CLOCK: variants seen among roughly 807,000 people sequenced by gnomAD.
The protein encoded by CLOCK is circadian locomoter output cycles protein kaput.
A neutral mutation model predicts 118.4 loss-of-function variants in CLOCK; 43 were observed. That is an observed-to-expected ratio of 0.36 (90% CI 0.28 to 0.47). The LOEUF is 0.47. CLOCK is among the 20% of genes least tolerant of loss of function. The probability of loss-of-function intolerance (pLI) is 1.00; values close to 1 mark genes in which losing one functional copy is unlikely to be tolerated. For missense variants in CLOCK, 846 were observed against 999.9 expected (o/e 0.85, Z 2.08); for synonymous variants, 326 against 339.2 (o/e 0.96, Z 0.43).
intron 3 of CLOCK, among the ~76,000 whole-genome samples, chr4:55,483,153 T>C (rs148158047): frequency 1.3e-5 from 2 of 152,340 alleles, no homozygotes; most frequent in African/African-American, 4.8e-5. Flanking sequence ...TAACACCATC[T>C]ATTCAGCAAT....
At chr4:55,461,121 T>C (rs1725313690) in intron 9 of CLOCK, among the ~76,000 whole-genome samples, 1 of 152,094 alleles carries the variant, frequency 6.6e-6, no homozygotes, top group Non-Finnish European at 1.5e-5. Context: ...ATAGACGGTG[T>C]TTCACCATGT....
intron 21 of CLOCK, among the ~76,000 whole-genome samples, chr4:55,439,436 C>T (rs1283659893): frequency 6.6e-6 from 1 of 152,098 alleles, no homozygotes; most frequent in African/African-American, 2.4e-5. Flanking sequence ...ATGGTGCAGC[C>T]ACTATGGAAA....
chr4:55,456,393 T>TG, intron 11 of CLOCK, 93 bp from the exon 12 acceptor site: 1 of 831,906 alleles, frequency 1.2e-6, no homozygotes, highest in Admixed American at 2.1e-5. Flanking sequence ...CCAGGTGCAG[T>TG]GGCTCACACC....
chr4:55,514,597 T>C (rs934981448), intron 1 of CLOCK, among the ~76,000 whole-genome samples: 3 of 150,574 alleles, frequency 2.0e-5, no homozygotes, highest in Non-Finnish European at 3.0e-5. Context: ...AGTTACAGAG[T>C]TTTTTTTTAA....
chr4:55,474,134 T>C (rs190248050), intron 7 of CLOCK, among the ~76,000 whole-genome samples: 19 of 152,234 alleles, frequency 1.2e-4, no homozygotes, highest in Non-Finnish European at 1.5e-4. Context: ...AGTAGCAAAG[T>C]TGTGAATGAA....
At chr4:55,482,926 A>T in intron 3 of CLOCK, 98 bp from the exon 4 acceptor site, 1 of 556,726 alleles carries the variant, frequency 1.8e-6, no homozygotes, top group Non-Finnish European at 3.1e-6. Flanking sequence ...CAGAGACTTC[A>T]AAACGTTTTG....
intron 2 of CLOCK, among the ~76,000 whole-genome samples, chr4:55,505,163 A>AAG (rs2110005941): frequency 6.7e-6 from 1 of 150,138 alleles, no homozygotes; most frequent in South Asian, 2.1e-4. Context: ...CCCCCCACCA[A>AAG]AAAAAAAAAA....
chr4:55,462,829 T>C (rs1338711242), intron 9 of CLOCK, among the ~76,000 whole-genome samples: 1 of 139,480 alleles, frequency 7.2e-6, no homozygotes, highest in Non-Finnish European at 1.6e-5. Context: ...ACCAAAGTTA[T>C]AGATACACAC....
At chr4:55,479,324 T>C (rs1425267944) in intron 5 of CLOCK, among the ~76,000 whole-genome samples, 1 of 152,134 alleles carries the variant, frequency 6.6e-6, no homozygotes, top group African/African-American at 2.4e-5. Flanking sequence ...TGTGAAGCAG[T>C]AACCAGTAAA....
chr4:55,450,366 A>G (rs1443163720), intron 15 of CLOCK, 134 bp from the exon 16 acceptor site: 1 of 915,896 alleles, frequency 1.1e-6, no homozygotes, highest in Non-Finnish European at 1.7e-6. Context: ...GTACATACAC[A>G]TGTAAAGAAA....
rs555640735 is a variant in CLOCK, at chr4:55,432,711, C to T, written c.*2704G>A. 3.3e-5 allele frequency: 5 copies of T among 152,030 alleles called. No individual in the cohort carries two copies. Among genetic ancestry groups the T allele is most frequent in the Non-Finnish European group, 7.4e-5 (5 of 67,998 alleles). 9.4% of individuals were successfully genotyped at this position (152,030 alleles called of 1,614,324 possible). ...GCAAAGAGGCAGCTGGTGCTTACTACCTCTTCCACTACTACGCTTCAGACT... is the reference window on the plus strand; with the variant it reads ...GCAAAGAGGCAGCTGGTGCTTACTATCTCTTCCACTACTACGCTTCAGACT... On this transcript the variant is annotated 3_prime_UTR_variant, in exon 23 of 23. Coordinates refer to ENST00000513440, the MANE Select transcript of CLOCK (RefSeq NM_004898.4).
chr4:55,505,967 C>A (rs867095811), intron 2 of CLOCK, among the ~76,000 whole-genome samples: 1 of 151,864 alleles, frequency 6.6e-6, no homozygotes, highest in Non-Finnish European at 1.5e-5. Context: ...AACTATACCT[C>A]CTAACAACAA....
At chr4:55,470,836 G>A (rs1181747308) in intron 7 of CLOCK, 30 bp from the exon 8 acceptor site, 1 of 1,478,544 alleles carries the variant, frequency 6.8e-7, no homozygotes, top group Non-Finnish European at 9.4e-7. Flanking sequence ...TATGTTAAAT[G>A]AAAAGAAAAA....
chr4:55,543,514 G>T (rs74435977), intron 1 of CLOCK, among the ~76,000 whole-genome samples: 3,398 of 152,226 alleles, frequency 0.022, 113 homozygotes, highest in African/African-American at 0.077. Flanking sequence ...TTCAGTCAAG[G>T]GTATACGAGT....
At position 55,431,918 on chromosome 4, in the gene CLOCK, G is replaced by A. The variant is rs1180357701; in HGVS notation, c.*3497C>T. The A allele has an allele frequency of 3.3e-5, 5 of 152,190 alleles. No homozygotes were observed. Among genetic ancestry groups the A allele is most frequent in the African/African-American group, 1.2e-4 (5 of 41,450 alleles). The allele number at this position is 152,190 out of a possible 1,614,324, so 9.4% of individuals were successfully genotyped here. ...TTCTCCCTTCAACAGTGCTCTTGAT[G>A]GAGCTGGACTGCTTCAGTGCTCCTA... On this transcript the variant is annotated 3_prime_UTR_variant, in exon 23 of 23. Coordinates refer to ENST00000513440, the MANE Select transcript of CLOCK (RefSeq NM_004898.4).
intron 18 of CLOCK, among the ~76,000 whole-genome samples, chr4:55,447,138 G>A (rs902457079): frequency 4.6e-5 from 7 of 151,786 alleles, no homozygotes; most frequent in Admixed American, 3.9e-4. Context: ...AGGCCGAGGT[G>A]GGCAGAATGC....
At chr4:55,532,424 C>T (rs1730610086) in intron 1 of CLOCK, among the ~76,000 whole-genome samples, 1 of 151,770 alleles carries the variant, frequency 6.6e-6, no homozygotes, top group Admixed American at 6.6e-5. Flanking sequence ...AAGAAGAATC[C>T]ACAAAAAAAC....
At position 55,530,540 on chromosome 4, in the gene CLOCK, CG is replaced by C. The variant is rs550463593; in HGVS notation, c.-290+16241del. ...ATATAATCCCAGCACTTTGGGAGGC[CG>C]AGGAGGGTGGATCACTTGAGATAAG... is the stretch of plus-strand genomic sequence containing the variant. On this transcript the variant is annotated intron_variant, in intron 1 of 22. Transcript: ENST00000513440. Among the ~76,000 whole-genome samples the C allele has an allele frequency of 2.5e-3, 374 of 151,808 alleles. 3 individuals are homozygous for C. Among genetic ancestry groups the C allele is most frequent in the African/African-American group, 8.8e-3 (363 of 41,418 alleles).
rs138477949 is a variant in CLOCK at position 55,521,862 on chromosome 4, G to T, written c.-289-11797C>A. Among the ~76,000 whole-genome samples, 401 of 152,294 alleles carry T rather than the reference G, an allele frequency of 2.6e-3. 1 individual carries two copies. The highest frequency in any genetic ancestry group is 9.3e-3 in the African/African-American group (387 of 41,566). ...ACAAACTGATCTTAGTATTTATGTG[G>T]AAGAGCAAAAGGCTAAGAATAGCTA... On this transcript the variant is annotated intron_variant, in intron 1 of 22. Coordinates refer to ENST00000513440, the MANE Select transcript of CLOCK (RefSeq NM_004898.4).
Sources: allele counts gnomAD v4.1 joint callset (sites outside exome capture counted in the v4.1 genomes callset), GRCh38; gene constraint gnomAD v4.1.1; transcripts MANE v1.5; gene names NCBI Gene and HGNC (gene_info 2026-07-23, HGNC 2026-07-21).